Variants in SGCD observed in about 807,000 individuals in gnomAD.
SGCD encodes the protein sarcoglycan delta.
Under a neutral mutation model 36.6 loss-of-function variants are expected in SGCD, and 18 were observed. That is an observed-to-expected ratio of 0.49 (90% CI 0.34 to 0.73). The LOEUF (loss-of-function observed/expected upper bound fraction) is 0.73, where lower values mean the gene tolerates loss of function less well. Among genes scored for constraint, SGCD ranks in the 30% least tolerant of loss-of-function variants. The probability of loss-of-function intolerance (pLI) is 0.01; values close to 1 mark genes in which losing one functional copy is unlikely to be tolerated. For synonymous variants in SGCD, 133 were observed against 130.6 expected, an observed-to-expected ratio of 1.02 and a Z score of -0.12; for missense variants, 387 against 346.7, an observed-to-expected ratio of 1.12 and a Z score of -0.92.
At chr5:156,033,463 C>T (rs1278924041) in intron 1 of SGCD, among the ~76,000 whole-genome samples, 1 of 152,078 alleles carries the variant, frequency 6.6e-6, no homozygotes, top group Non-Finnish European at 1.5e-5. Flanking sequence ...CTGTTTTGTC[C>T]CCACTTGTAA....
chr5:156,125,435 G>A (rs760484353), intron 3 of SGCD, among the ~76,000 whole-genome samples: 2 of 151,870 alleles, frequency 1.3e-5, no homozygotes, highest in Non-Finnish European at 2.9e-5. Flanking sequence ...CTTTGAGGAT[G>A]AAGCACTTTC....
At chr5:155,912,448 C>T (rs1756649487) in intron 1 of SGCD, among the ~76,000 whole-genome samples, 1 of 152,144 alleles carries the variant, frequency 6.6e-6, no homozygotes, top group Non-Finnish European at 1.5e-5. Context: ...CCTATTGGGG[C>T]ATGAACACCT....
At chr5:156,718,336 A>C (rs1755320299) in intron 7 of SGCD, among the ~76,000 whole-genome samples, 1 of 152,190 alleles carries the variant, frequency 6.6e-6, no homozygotes, top group East Asian at 1.9e-4. Flanking sequence ...GTAGGGTATG[A>C]ATGTTTCCCT....
intron 7 of SGCD, among the ~76,000 whole-genome samples, chr5:156,689,438 C>A (rs945053856): frequency 6.6e-6 from 1 of 152,128 alleles, no homozygotes; most frequent in African/African-American, 2.4e-5. Flanking sequence ...CAGTACCATA[C>A]CAAAAAGGAA....
intron 1 of SGCD, among the ~76,000 whole-genome samples, chr5:155,919,499 C>T (rs1756826768): frequency 6.6e-6 from 1 of 152,122 alleles, no homozygotes. Context: ...TTTATTGATT[C>T]CTCTCGGGTA....
intron 7 of SGCD, among the ~76,000 whole-genome samples, chr5:156,691,569 G>A (rs989317606): frequency 3.9e-5 from 6 of 152,172 alleles, no homozygotes; most frequent in Non-Finnish European, 7.3e-5. Context: ...CTAAAAAAGT[G>A]GATGTGGCTG....
At chr5:155,829,685 G>C in the SGCD span, among the ~76,000 whole-genome samples, 1 of 152,316 alleles carries the variant, frequency 6.6e-6, no homozygotes, top group South Asian at 2.1e-4. Context: ...ATAGAATCAA[G>C]AAGCCAAAGT....
intron 6 of SGCD, among the ~76,000 whole-genome samples, chr5:156,607,502 A>ATTCT (rs1159314952): frequency 2.0e-5 from 3 of 152,150 alleles, no homozygotes; most frequent in African/African-American, 7.2e-5. Context: ...TTGGTCTAAA[A>ATTCT]TTCTCTTTTT....
intron 1 of SGCD, among the ~76,000 whole-genome samples, chr5:156,003,335 G>T (rs1758698985): frequency 6.6e-6 from 1 of 152,226 alleles, no homozygotes; most frequent in African/African-American, 2.4e-5. Flanking sequence ...ATAAAAGCTA[G>T]ATAGGTGTTT....
rs139995557 is a variant in SGCD at position 156,736,440 on chromosome 5, A to G, written c.576-21141A>G. On this transcript the variant is annotated intron_variant, in intron 7 of 8. Coordinates refer to ENST00000337851, the MANE Select transcript of SGCD (RefSeq NM_000337.6). ...ATTAAATAGGGATATTGTATATGGT[A>G]CAACACCAAATTTGTATAACTTTTG... 6.8e-3 allele frequency among the ~76,000 whole-genome samples: 1,030 copies of G among 152,330 alleles called. 5 individuals carry two copies. Among genetic ancestry groups the G allele is most frequent in the Non-Finnish European group, 0.012 (785 of 68,036 alleles).
intron 4 of SGCD, among the ~76,000 whole-genome samples, chr5:156,541,410 G>C (rs1304372592): frequency 6.6e-6 from 1 of 152,120 alleles, no homozygotes; most frequent in Non-Finnish European, 1.5e-5. Context: ...CGGTGGTTCA[G>C]GTGAGAGATA....
chr5:156,755,604 CATT>C (rs1472476261), intron 7 of SGCD, among the ~76,000 whole-genome samples: 1 of 152,200 alleles, frequency 6.6e-6, no homozygotes, highest in Non-Finnish European at 1.5e-5. Flanking sequence ...GTTGCACTGA[CATT>C]ATCAAACCAA....
At chr5:156,565,708 A>C (rs1174757606) in intron 4 of SGCD, among the ~76,000 whole-genome samples, 1 of 150,584 alleles carries the variant, frequency 6.6e-6, no homozygotes, top group Non-Finnish European at 1.5e-5. Flanking sequence ...CCCCCCACCC[A>C]CCGACAGGAC....
rs142804135 is a variant in SGCD, at chr5:156,625,830, G to A, written c.503-21634G>A. Among the ~76,000 whole-genome samples, 260 of 152,268 alleles carry A rather than the reference G, an allele frequency of 1.7e-3. 1 individual carries two copies. Among genetic ancestry groups the A allele is most frequent in the African/African-American group, 5.9e-3 (247 of 41,540 alleles). ...TGTTTGATGCTTAATATCATGGACC[G>A]GATGAAAGGAACTCCTGTTTCATGT... On this transcript the variant is annotated intron_variant, in intron 6 of 8. Transcript: ENST00000337851.
upstream of SGCD, among the ~76,000 whole-genome samples, chr5:155,866,467 T>C (rs2113264219): frequency 6.6e-6 from 1 of 152,318 alleles, no homozygotes; most frequent in South Asian, 2.1e-4. Flanking sequence ...TCTGAAGATA[T>C]TCCTCCCCAT....
At chr5:156,626,174 C>A (rs1311701358) in intron 6 of SGCD, among the ~76,000 whole-genome samples, 1 of 152,170 alleles carries the variant, frequency 6.6e-6, no homozygotes, top group Admixed American at 6.5e-5. Flanking sequence ...GGTTGAGAAG[C>A]CGTGGGCTAG....
intron 3 of SGCD, among the ~76,000 whole-genome samples, chr5:156,201,565 C>T (rs571014039): frequency 3.3e-4 from 50 of 152,172 alleles, no homozygotes; most frequent in Non-Finnish European, 5.9e-4. Flanking sequence ...GGCAAATTTG[C>T]CAACATCATA....
intron 1 of SGCD, among the ~76,000 whole-genome samples, chr5:155,957,003 T>G (rs1757674583): frequency 6.6e-6 from 1 of 152,024 alleles, no homozygotes; most frequent in African/African-American, 2.4e-5. Flanking sequence ...GCTGCAGTGT[T>G]GCTATCACAG....
At chr5:155,799,728 C>CT in the SGCD span, among the ~76,000 whole-genome samples, 64 of 143,170 alleles carry the variant, frequency 4.5e-4, no homozygotes, top group East Asian at 8.1e-4. Flanking sequence ...CTTTTATTTC[C>CT]TTTTTTTTTT....
Sources: gnomAD v4.1 joint callset for allele counts (sites outside exome capture counted in the v4.1 genomes callset) on GRCh38, gnomAD v4.1.1 for gene constraint, MANE v1.5 for transcripts, NCBI Gene and HGNC (gene_info 2026-07-23, HGNC 2026-07-21) for gene names.